The following RHOBTB1 variants were observed in gnomAD, a reference collection of about 807,000 sequenced individuals.
RHOBTB1 encodes Rho related BTB domain containing 1, also known as rho-related BTB domain-containing protein 1.
A neutral mutation model predicts 71.6 loss-of-function variants in RHOBTB1; 40 were observed. That is an observed-to-expected ratio of 0.56 (90% CI 0.43 to 0.73). The LOEUF (loss-of-function observed/expected upper bound fraction) is 0.73. Among genes scored for constraint, RHOBTB1 ranks in the 30% least tolerant of loss-of-function variants. The pLI, the probability that RHOBTB1 is intolerant of heterozygous loss-of-function variation, is 0.00. For synonymous variants in RHOBTB1, 319 were observed against 334.9 expected (o/e 0.95, Z 0.52); for missense variants, 797 against 894.0 (o/e 0.89, Z 1.38).
chr10:61,000,376 T>C (rs1042757206), intron 1 of RHOBTB1, among the ~76,000 whole-genome samples: 3 of 152,104 alleles, frequency 2.0e-5, no homozygotes, highest in African/African-American at 4.8e-5. Context: ...TTGGGTTTTT[T>C]CCCAGATCTG....
chr10:60,990,856 C>A (rs541339604), intron 1 of RHOBTB1, among the ~76,000 whole-genome samples: 6 of 152,224 alleles, frequency 3.9e-5, no homozygotes, highest in African/African-American at 1.4e-4. Context: ...ATATCTCTGA[C>A]AAGCCCCACA....
chr10:60,896,895 A>T (rs991082140), intron 4 of RHOBTB1, among the ~76,000 whole-genome samples: 2 of 152,174 alleles, frequency 1.3e-5, no homozygotes, highest in African/African-American at 4.8e-5. Flanking sequence ...AGAGAGACCA[A>T]GTCATCCAAA....
At position 60,923,264 on chromosome 10, in the gene RHOBTB1, A is replaced by G. The variant is rs185476667; in HGVS notation, c.-10-11712T>C. ...AAACAGGTGTTCCACTTAGATAAAC[A>G]TGCTATATAAAACAGCAGAAAAAAA... is the stretch of plus-strand genomic sequence containing the variant. On this transcript the variant is annotated intron_variant, in intron 2 of 10. Coordinates refer to ENST00000337910, the MANE Select transcript of RHOBTB1 (RefSeq NM_014836.5). Among the ~76,000 whole-genome samples, 61 of 152,352 alleles carry G rather than the reference A, an allele frequency of 4.0e-4. 1 individual carries two copies. The highest frequency in any genetic ancestry group is 4.6e-4 in the Non-Finnish European group (31 of 68,028).
chr10:60,901,707 G>T (rs1229774653), intron 4 of RHOBTB1, among the ~76,000 whole-genome samples: 1 of 152,108 alleles, frequency 6.6e-6, no homozygotes, highest in Non-Finnish European at 1.5e-5. Flanking sequence ...CTTTCATCAT[G>T]AAAAGTCAAC....
chr10:61,000,091 G>T (rs1304156131), intron 1 of RHOBTB1, among the ~76,000 whole-genome samples: 2 of 152,180 alleles, frequency 1.3e-5, no homozygotes, highest in Non-Finnish European at 2.9e-5. Context: ...CATATTTATA[G>T]AATTTTAGAC....
At position 60,877,920 on chromosome 10, in the gene RHOBTB1, C is replaced by G; in HGVS notation, c.1714G>C (p.Val572Leu). Residue 572 changes from valine to leucine, a missense_variant, in exon 8 of 11, where the codon GTT (valine) becomes CTT (leucine). Around this residue, in one of 2 missense-constraint regions of RHOBTB1, gnomAD observed 658 missense variants for 681.5 expected, o/e 0.97. Transcript: ENST00000337910. ...LANRFCLPHL[V>L]ALAEQHAVQE... The stretch of plus-strand genomic sequence containing the variant: ...TCATCATCCTTACCTGCAAGTGCAA[C>G]CAAGTGTGGCAGGCAAAATCTGTTT... The G allele has an allele frequency of 6.2e-7, 1 of 1,613,678 alleles. No individual in the cohort carries two copies. The highest frequency in any genetic ancestry group is 8.5e-7 in the Non-Finnish European group (1 of 1,179,780).
chr10:60,986,406 T>TAG (rs1354545359), intron 1 of RHOBTB1, among the ~76,000 whole-genome samples: 1 of 94,902 alleles, frequency 1.1e-5, no homozygotes, highest in Non-Finnish European at 2.0e-5. Context: ...AAATAAAAGA[T>TAG]ATATATATAT....
At chr10:60,933,006 G>A (rs2134006169) in intron 2 of RHOBTB1, among the ~76,000 whole-genome samples, 1 of 152,312 alleles carries the variant, frequency 6.6e-6, no homozygotes, top group South Asian at 2.1e-4. Flanking sequence ...ACATTTATGA[G>A]ACTATCATAT....
At chr10:60,900,228 G>A (rs769199023) in intron 4 of RHOBTB1, among the ~76,000 whole-genome samples, 9 of 152,116 alleles carry the variant, frequency 5.9e-5, no homozygotes, top group East Asian at 1.9e-4. Flanking sequence ...GAGGGTCAGC[G>A]GATAGGGAGG....
chr10:60,994,854 C>T (rs905682666), intron 1 of RHOBTB1, among the ~76,000 whole-genome samples: 1 of 151,844 alleles, frequency 6.6e-6, no homozygotes, highest in African/African-American at 2.4e-5. Flanking sequence ...CTTTAATGCA[C>T]AAGAAACCCA....
rs187618531 is a variant in RHOBTB1 at position 60,914,665 on chromosome 10, C to T, written c.-10-3113G>A. ...ATAAGCTGAATCATAGCAGCACTGA[C>T]GGAATGGCTGTGTCGCTTTCACTGA... On this transcript the variant is annotated intron_variant, in intron 2 of 10. Coordinates refer to ENST00000337910, the MANE Select transcript of RHOBTB1 (RefSeq NM_014836.5). 6.0e-3 allele frequency among the ~76,000 whole-genome samples: 909 copies of T among 152,206 alleles called. 7 individuals are homozygous for T. Among genetic ancestry groups the T allele is most frequent in the Non-Finnish European group, 7.8e-3 (528 of 68,016 alleles).
At chr10:60,984,386 T>C (rs1423781193) in intron 2 of RHOBTB1, among the ~76,000 whole-genome samples, 1 of 152,248 alleles carries the variant, frequency 6.6e-6, no homozygotes, top group Non-Finnish European at 1.5e-5. Flanking sequence ...AAGTGTTTTA[T>C]GCATATGACT....
At chr10:60,997,386 G>T (rs2087094861) in intron 1 of RHOBTB1, among the ~76,000 whole-genome samples, 1 of 152,134 alleles carries the variant, frequency 6.6e-6, no homozygotes, top group Admixed American at 6.5e-5. Context: ...GTGCATAATG[G>T]CTCCAAGCAA....
chr10:60,872,076 T>A, intron 10 of RHOBTB1, 109 bp downstream of exon 10: 1 of 823,470 alleles, frequency 1.2e-6, no homozygotes, highest in Non-Finnish European at 2.1e-6. Flanking sequence ...TCTCGAGGAA[T>A]CATCCATGAG....
chr10:60,874,588 G>A (rs1239689930), intron 9 of RHOBTB1, among the ~76,000 whole-genome samples: 1 of 152,174 alleles, frequency 6.6e-6, no homozygotes, highest in East Asian at 1.9e-4. Flanking sequence ...ATTAACAGGG[G>A]AGGCACTACG....
At position 60,889,023 on chromosome 10, in the gene RHOBTB1, T is replaced by C; in HGVS notation, c.645A>G (p.Gln215=). The C allele has an allele frequency of 6.2e-7, 1 of 1,614,174 alleles. No homozygotes were observed. Among genetic ancestry groups the C allele is most frequent in the South Asian group, 1.1e-5 (1 of 91,080 alleles). ...CTTTCTTTAGGTGGGATTTCCAGAA[T>C]TGCAGGTGCCTGCGGGAAATCAGCG... ...RAALISRRHL[Q]FWKSHLKKVQ... is the part of the protein sequence containing the mutation. The change falls in exon 6 of 11, where the codon CAA becomes CAG. Residue 215 remains glutamine (Q), a synonymous_variant. Transcript: ENST00000337910.
intron 2 of RHOBTB1, among the ~76,000 whole-genome samples, chr10:60,978,503 G>A (rs181268651): frequency 1.6e-4 from 25 of 152,298 alleles, no homozygotes; most frequent in African/African-American, 5.5e-4. Context: ...TAAGTTGGGA[G>A]AGAGAGTGGG....
intron 4 of RHOBTB1, among the ~76,000 whole-genome samples, chr10:60,897,661 C>T (rs1306011393): frequency 6.6e-6 from 1 of 152,114 alleles, no homozygotes. Flanking sequence ...TCTCTTGATA[C>T]AGTAACACTT....
At chr10:60,906,987 G>T (rs770479842) in intron 4 of RHOBTB1, among the ~76,000 whole-genome samples, 2 of 152,180 alleles carry the variant, frequency 1.3e-5, no homozygotes, top group Non-Finnish European at 2.9e-5. Context: ...TCTTTCTCAT[G>T]CTATTCTCAT....
Sources: allele counts gnomAD v4.1 joint callset (sites outside exome capture counted in the v4.1 genomes callset), GRCh38; gene constraint gnomAD v4.1.1; regional missense constraint gnomAD v4.1.1; transcripts MANE v1.5; gene names NCBI Gene and HGNC (gene_info 2026-07-23, HGNC 2026-07-21).